Variants in CNTN5 observed in about 807,000 individuals in gnomAD.
CNTN5 encodes contactin 5, also known as contactin-5.
A neutral mutation model predicts 129.1 loss-of-function variants in CNTN5; 77 were observed. The ratio of observed to expected loss-of-function variants is 0.60; its 90% CI spans 0.50 to 0.72. CNTN5 has a LOEUF of 0.72. Among genes scored for constraint, CNTN5 ranks in the 30% least tolerant of loss-of-function variants. CNTN5 has a pLI of 0.00. For missense variants in CNTN5, 1,478 were observed against 1,328.8 expected (o/e 1.11, Z -1.75); for synonymous variants, 509 against 465.6 (o/e 1.09, Z -1.20).
At chr11:99,289,727 C>T (rs1055581619) in intron 1 of CNTN5, among the ~76,000 whole-genome samples, 5 of 151,674 alleles carry the variant, frequency 3.3e-5, no homozygotes, top group Admixed American at 6.6e-5. Flanking sequence ...GGACATTTCT[C>T]GACAAGTGTT....
Position 100,318,455 on chromosome 11 carries a change from CAATTT to C in CNTN5, c.2730+9989_2730+9993del, listed in dbSNP as rs533818177. On this transcript the variant is annotated intron_variant, in intron 21 of 24. Coordinates refer to ENST00000524871, the MANE Select transcript of CNTN5 (RefSeq NM_014361.4). ...AATATGAAATCACAAATGTAGAGAG[CAATTT>C]ATTTATAATTGACATTGTCAATTAC... Among the ~76,000 whole-genome samples, 18 of 152,110 alleles carry C rather than the reference CAATTT, an allele frequency of 1.2e-4. No homozygotes were observed. In the East Asian group the frequency reaches 3.5e-3, roughly 29 times the overall value.
chr11:100,029,463 G>T (rs1223721053), intron 9 of CNTN5, among the ~76,000 whole-genome samples: 1 of 151,808 alleles, frequency 6.6e-6, no homozygotes. Context: ...GGCGCCTGTA[G>T]TCCCAGCTAC....
At chr11:99,135,480 A>G (rs1210266691) in intron 1 of CNTN5, among the ~76,000 whole-genome samples, 2 of 152,164 alleles carry the variant, frequency 1.3e-5, no homozygotes, top group African/African-American at 4.8e-5. Context: ...CAGAAACAGA[A>G]AGAAAGCCAG....
chr11:99,355,255 T>A (rs575508602), intron 2 of CNTN5, among the ~76,000 whole-genome samples: 5 of 152,220 alleles, frequency 3.3e-5, no homozygotes, highest in Non-Finnish European at 7.3e-5. Context: ...AAATGCTTCA[T>A]AAAGTCAGTA....
intron 2 of CNTN5, among the ~76,000 whole-genome samples, chr11:99,507,461 C>T (rs749873583): frequency 2.0e-5 from 3 of 148,846 alleles, no homozygotes; most frequent in Non-Finnish European, 4.5e-5. Flanking sequence ...TCTTTTTTCT[C>T]TCTGTTTTAA....
At chr11:100,239,777 A>T (rs1949697915) in intron 16 of CNTN5, among the ~76,000 whole-genome samples, 1 of 152,194 alleles carries the variant, frequency 6.6e-6, no homozygotes, top group Non-Finnish European at 1.5e-5. Context: ...TCTCAAGAAA[A>T]GGAAATATTT....
At chr11:100,094,470 G>T (rs952368664) in intron 13 of CNTN5, among the ~76,000 whole-genome samples, 3 of 151,962 alleles carry the variant, frequency 2.0e-5, no homozygotes, top group Non-Finnish European at 4.4e-5. Flanking sequence ...AGAGTCAGTC[G>T]ACTTTTAAAC....
At position 100,011,239 on chromosome 11, in the gene CNTN5, A is replaced by T. The variant is rs561408671; in HGVS notation, c.980+9103A>T. ...CATTTCACCGTGTGACCTTTTACAGACCCTAGAAAGAGCACTAGATATGTC... is the reference window on the plus strand; with the variant it reads ...CATTTCACCGTGTGACCTTTTACAGTCCCTAGAAAGAGCACTAGATATGTC... On this transcript the variant is annotated intron_variant, in intron 9 of 24. Transcript: ENST00000524871. 1.5e-4 allele frequency among the ~76,000 whole-genome samples: 23 copies of T among 152,192 alleles called. 2 individuals carry two copies. In the South Asian group the frequency reaches 3.3e-3, roughly 22 times the overall value.
intron 18 of CNTN5, among the ~76,000 whole-genome samples, chr11:100,294,599 G>A (rs10894725): frequency 0.4 from 59,889 of 151,464 alleles, 13,752 homozygotes; most frequent in Non-Finnish European, 0.53. Context: ...GACTGAGGAA[G>A]AAGAGTCTAG....
chr11:99,610,003 A>G (rs965283036), intron 3 of CNTN5, among the ~76,000 whole-genome samples: 6 of 152,268 alleles, frequency 3.9e-5, no homozygotes, highest in African/African-American at 1.4e-4. Flanking sequence ...CATGTTTATA[A>G]GATAAATTGC....
chr11:99,087,945 C>T (rs1002508867), intron 1 of CNTN5, among the ~76,000 whole-genome samples: 1 of 152,176 alleles, frequency 6.6e-6, no homozygotes, highest in African/African-American at 2.4e-5. Context: ...TAGCCTAATG[C>T]TATGCTGTCA....
chr11:100,153,674 C>A (rs907419163), intron 13 of CNTN5, among the ~76,000 whole-genome samples: 6 of 151,942 alleles, frequency 3.9e-5, no homozygotes, highest in African/African-American at 7.2e-5. Flanking sequence ...GTATAAAAAG[C>A]CTTTCGCAAG....
rs1290096290 is a variant in CNTN5 at position 99,208,359 on chromosome 11, T to C, written c.-209-116987T>C. On this transcript the variant is annotated intron_variant, in intron 1 of 24. Coordinates refer to ENST00000524871, the MANE Select transcript of CNTN5 (RefSeq NM_014361.4). Reference sequence around the variant, plus strand: ...ACTTTTATCTAGGCAAACCTTAATTTCTGGCAATATAAAAAGTGCCCTGAG... The same window carrying C: ...ACTTTTATCTAGGCAAACCTTAATTCCTGGCAATATAAAAAGTGCCCTGAG... 2.6e-5 allele frequency among the ~76,000 whole-genome samples: 4 copies of C among 152,264 alleles called. 1 individual carries two copies. Among genetic ancestry groups the C allele is most frequent in the Non-Finnish European group, 2.9e-5 (2 of 67,990 alleles).
At chr11:100,234,808 A>G (rs1450941295) in intron 16 of CNTN5, among the ~76,000 whole-genome samples, 2 of 150,866 alleles carry the variant, frequency 1.3e-5, no homozygotes, top group Non-Finnish European at 3.0e-5. Flanking sequence ...AAAAAAAAAA[A>G]AAAAAAAAAG....
chr11:99,484,065 C>T (rs1490522384), intron 2 of CNTN5, among the ~76,000 whole-genome samples: 2 of 151,854 alleles, frequency 1.3e-5, no homozygotes, highest in Non-Finnish European at 2.9e-5. Context: ...GGGACTATAT[C>T]TAACTAAAAA....
At chr11:99,942,987 G>A (rs1950474426) in intron 7 of CNTN5, among the ~76,000 whole-genome samples, 1 of 151,890 alleles carries the variant, frequency 6.6e-6, no homozygotes, top group Non-Finnish European at 1.5e-5. Context: ...CTTTGCTATT[G>A]TAAACAGTGC....
Position 99,958,324 on chromosome 11 carries a change from G to T in CNTN5, c.877+1315G>T, listed in dbSNP as rs1237699249. Among the ~76,000 whole-genome samples, 4 of 152,336 alleles carry T rather than the reference G, an allele frequency of 2.6e-5. No individual in the cohort carries two copies. In the East Asian group the frequency reaches 7.7e-4, roughly 29 times the overall value. On this transcript the variant is annotated intron_variant, in intron 8 of 24. Coordinates refer to ENST00000524871, the MANE Select transcript of CNTN5 (RefSeq NM_014361.4). The stretch of plus-strand genomic sequence containing the variant: ...GATAATTAATGAATTACAGGCTTTG[G>T]AGTAGGTGGAGGCTAGCATACACAA...
At chr11:99,749,616 T>A (rs1944166506) in intron 3 of CNTN5, among the ~76,000 whole-genome samples, 1 of 152,240 alleles carries the variant, frequency 6.6e-6, no homozygotes, top group African/African-American at 2.4e-5. Flanking sequence ...CTAGTTGTTT[T>A]CAAAATCCAG....
At chr11:99,755,721 G>T (rs1944384735) in intron 3 of CNTN5, among the ~76,000 whole-genome samples, 1 of 151,900 alleles carries the variant, frequency 6.6e-6, no homozygotes, top group Non-Finnish European at 1.5e-5. Flanking sequence ...TTATGGTTGT[G>T]TTATAGTATC....
Sources: gnomAD v4.1 joint callset for allele counts (sites outside exome capture counted in the v4.1 genomes callset) on GRCh38, gnomAD v4.1.1 for gene constraint, MANE v1.5 for transcripts, NCBI Gene and HGNC (gene_info 2026-07-23, HGNC 2026-07-21) for gene names.